The following TEX11 variants were observed in gnomAD, a reference collection of about 807,000 sequenced individuals.
TEX11 encodes the protein testis expressed 11.
A neutral mutation model predicts 84.4 loss-of-function variants in TEX11; 7 were observed. The ratio of observed to expected loss-of-function variants is 0.08; its 90% CI spans 0.05 to 0.16. The LOEUF is 0.16. Ranked by LOEUF, TEX11 falls within the 10% of genes least tolerant of loss-of-function variation. TEX11 has a pLI of 1.00. For synonymous variants in TEX11, 264 were observed against 222.8 expected, an observed-to-expected ratio of 1.18 and a Z score of -1.64; for missense variants, 551 against 660.5, an observed-to-expected ratio of 0.83 and a Z score of 1.82.
intron 13 of TEX11, among the ~76,000 whole-genome samples, chrX:70,710,626 A>T (rs778467015): frequency 9.3e-6 from 1 of 108,098 alleles, no homozygotes; most frequent in South Asian, 4.2e-4. Flanking sequence ...CATTGACATC[A>T]CCTGCGAGCT....
At position 70,780,274 on chromosome X, in the gene TEX11, G is replaced by A. The variant is rs1464581950; in HGVS notation, c.692+26431C>T. Among the ~76,000 whole-genome samples, 4 of 111,696 alleles carry A rather than the reference G, an allele frequency of 3.6e-5. No individual in the cohort carries two copies. In the East Asian group the frequency reaches 1.1e-3, roughly 31 times the overall value. On this transcript the variant is annotated intron_variant, in intron 9 of 29. Transcript: ENST00000374333. The stretch of plus-strand genomic sequence containing the variant: ...GGGTGACAGAGCAAGACTCCATCAC[G>A]CACACACAAAAAAAAGACAAGACAA...
chrX:70,582,764 G>T (rs868520332), intron 25 of TEX11, among the ~76,000 whole-genome samples: 2 of 30,557 alleles, frequency 6.5e-5, no homozygotes, highest in East Asian at 9.6e-4. Flanking sequence ...ATTTATTTAT[G>T]TGATGGAATC....
At chrX:70,694,913 C>A (rs1383664888) in intron 13 of TEX11, among the ~76,000 whole-genome samples, 2 of 111,074 alleles carry the variant, frequency 1.8e-5, no homozygotes, top group Non-Finnish European at 1.9e-5. Flanking sequence ...CTGATTCATC[C>A]CTGTAAGGAC....
intron 28 of TEX11, among the ~76,000 whole-genome samples, chrX:70,537,231 T>C (rs1055589907): frequency 4.5e-5 from 5 of 111,618 alleles, no homozygotes; most frequent in African/African-American, 1.6e-4. Flanking sequence ...GAGGTAGGTC[T>C]AAGTTTTTAC....
rs1009530235 is a variant in TEX11 at position 70,873,271 on chromosome X, G to A, written c.196C>T (p.Leu66Phe). Reference sequence around the variant, plus strand: ...ACAAGCCAACCTCCTCCTATGGTAAGTGCCCAGTTCCATAGGTTTACTGCC... The same window carrying A: ...ACAAGCCAACCTCCTCCTATGGTAAATGCCCAGTTCCATAGGTTTACTGCC... ...EMAVNLWNWA[L>F]TIGGGWLVNE... The change falls in exon 4 of 30, where the codon CTT (leucine) becomes TTT (phenylalanine). Residue 66 changes from leucine to phenylalanine, a missense_variant. By Grantham distance (22) the Leu-to-Phe change is conservative. Coordinates refer to ENST00000374333, the MANE Select transcript of TEX11 (RefSeq NM_031276.3). 14 of 1,203,055 alleles carry A rather than the reference G, an allele frequency of 1.2e-5. No homozygotes were observed. The highest frequency in any genetic ancestry group is 1.6e-5 in the Non-Finnish European group (14 of 887,770).
intron 16 of TEX11, among the ~76,000 whole-genome samples, chrX:70,658,916 G>A (rs1050311265): frequency 1.8e-5 from 2 of 111,838 alleles, no homozygotes; most frequent in African/African-American, 3.2e-5. Flanking sequence ...CATATATGGT[G>A]AAATGGTTTT....
intron 9 of TEX11, among the ~76,000 whole-genome samples, chrX:70,793,883 C>G (rs1836206609): frequency 9.3e-6 from 1 of 106,957 alleles, no homozygotes; most frequent in African/African-American, 3.4e-5. Flanking sequence ...AAAAAAAAGG[C>G]TCTTAGAACT....
At chrX:70,897,157 C>A (rs865857823) in intron 2 of TEX11, among the ~76,000 whole-genome samples, 1 of 23,989 alleles carries the variant, frequency 4.2e-5, no homozygotes, top group Non-Finnish European at 2.2e-4. Flanking sequence ...TTATATATAA[C>A]ATATATATTT....
chrX:70,692,022 A>G (rs1039802904), intron 13 of TEX11, among the ~76,000 whole-genome samples: 6 of 111,765 alleles, frequency 5.4e-5, no homozygotes, highest in Non-Finnish European at 1.1e-4. Context: ...AAAAACTGAT[A>G]TAGGAGGGTT....
At chrX:70,785,948 A>G (rs2091075876) in intron 9 of TEX11, among the ~76,000 whole-genome samples, 1 of 112,005 alleles carries the variant, frequency 8.9e-6, no homozygotes, top group Non-Finnish European at 1.9e-5. Context: ...ATAGCATTTG[A>G]CCCAGCGATC....
intron 24 of TEX11, among the ~76,000 whole-genome samples, chrX:70,594,644 C>T (rs977203625): frequency 1.8e-5 from 2 of 111,012 alleles, no homozygotes; most frequent in Non-Finnish European, 3.8e-5. Flanking sequence ...GCTGTGTCCC[C>T]ACACAAATCT....
chrX:70,661,071 C>T (rs1036902058), intron 16 of TEX11, among the ~76,000 whole-genome samples: 3 of 112,097 alleles, frequency 2.7e-5, no homozygotes, highest in Non-Finnish European at 5.6e-5. Context: ...TGAAGCAGGG[C>T]GAGGCATTGC....
At chrX:70,585,512 A>G (rs2088842142) in intron 25 of TEX11, among the ~76,000 whole-genome samples, 1 of 112,106 alleles carries the variant, frequency 8.9e-6, no homozygotes, top group Admixed American at 9.5e-5. Flanking sequence ...TCAATTCTCA[A>G]ATTTATATGG....
At chrX:70,744,242 ATATAT>A in intron 9 of TEX11, 23 bp from the exon 10 acceptor site, 1 of 533,876 alleles carries the variant, frequency 1.9e-6, no homozygotes, top group Non-Finnish European at 2.4e-6. Flanking sequence ...AGGAAAAAAA[ATATAT>A]ATATATATAT....
chrX:70,612,333 A>G (rs2089270738), intron 20 of TEX11, among the ~76,000 whole-genome samples: 2 of 111,597 alleles, frequency 1.8e-5, no homozygotes, highest in Non-Finnish European at 3.8e-5. Context: ...AGAACTAGAC[A>G]TAGCAGGAAC....
At chrX:70,543,053 G>A (rs1036258447) in intron 28 of TEX11, among the ~76,000 whole-genome samples, 5 of 110,328 alleles carry the variant, frequency 4.5e-5, no homozygotes, top group African/African-American at 1.3e-4. Flanking sequence ...GTGGTGGCGG[G>A]TGCCTGTAGT....
At chrX:70,752,736 C>T (rs913070791) in intron 9 of TEX11, among the ~76,000 whole-genome samples, 1 of 109,964 alleles carries the variant, frequency 9.1e-6, no homozygotes, top group South Asian at 3.9e-4. Context: ...AATCACCTTC[C>T]TAAGAACCAG....
intron 25 of TEX11, among the ~76,000 whole-genome samples, chrX:70,555,929 C>T (rs1487090137): frequency 8.9e-6 from 1 of 111,798 alleles, no homozygotes; most frequent in African/African-American, 3.2e-5. Flanking sequence ...TAAAAGTGTT[C>T]ATAATATTCC....
intron 11 of TEX11, among the ~76,000 whole-genome samples, chrX:70,734,930 G>A (rs922810384): frequency 1.8e-5 from 2 of 112,130 alleles, no homozygotes; most frequent in Non-Finnish European, 3.8e-5. Context: ...GAAAGATACT[G>A]CTCTTGCCAA....
Sources: allele counts gnomAD v4.1 joint callset (sites outside exome capture counted in the v4.1 genomes callset), GRCh38; gene constraint gnomAD v4.1.1; transcripts MANE v1.5; gene names NCBI Gene and HGNC (gene_info 2026-07-23, HGNC 2026-07-21).